The following ADH5 variants were observed in gnomAD, a reference collection of about 807,000 sequenced individuals.
ADH5 encodes the protein alcohol dehydrogenase 5 (class III), chi polypeptide.
A neutral mutation model predicts 40.3 loss-of-function variants in ADH5; 32 were observed. The ratio of observed to expected loss-of-function variants is 0.79; its 90% CI spans 0.60 to 1.07. The LOEUF is 1.07. Ranked by LOEUF, ADH5 falls within the 50% of genes least tolerant of loss-of-function variation. The probability of loss-of-function intolerance (pLI) is 0.00; values close to 1 mark genes in which losing one functional copy is unlikely to be tolerated. For synonymous variants in ADH5, 125 were observed against 154.3 expected, an observed-to-expected ratio of 0.81 and a Z score of 1.41; for missense variants, 353 against 460.5, an observed-to-expected ratio of 0.77 and a Z score of 2.14.
chr4:99,088,662 C>T (rs1297722978), intron 1 of ADH5, 27 bp downstream of exon 1: 30 of 1,605,752 alleles, frequency 1.9e-5, no homozygotes, highest in Non-Finnish European at 2.3e-5. Context: ...CCCTTGGACT[C>T]AGGGCCCTCC....
intron 6 of ADH5, chr4:99,076,003 T>G (rs1727918403): frequency 3.2e-6 from 1 of 307,892 alleles, no homozygotes; most frequent in African/African-American, 2.2e-5. Context: ...GGATGTGTAT[T>G]TGATTCCAAA....
At position 99,071,070 on chromosome 4, in the gene ADH5, A is replaced by C. The variant is rs984509006; in HGVS notation, c.*1347T>G. The C allele has an allele frequency of 4.6e-5, 7 of 152,234 alleles. No individual in the cohort carries two copies. Among genetic ancestry groups the C allele is most frequent in the African/African-American group, 1.4e-4 (6 of 41,462 alleles). The allele number at this position is 152,234 out of a possible 1,614,324, so 9.4% of individuals were successfully genotyped here. A position where few individuals can be genotyped will look rare whatever the true frequency, so the allele number is the denominator to read the frequency against. Reference sequence around the variant, plus strand: ...GACTAGAAGATATTTGCAACATATAAAACTGACAAATGATTGATGTCTAGA... The same window carrying C: ...GACTAGAAGATATTTGCAACATATACAACTGACAAATGATTGATGTCTAGA... On this transcript the variant is annotated 3_prime_UTR_variant, in exon 9 of 9. Coordinates refer to ENST00000296412, the MANE Select transcript of ADH5 (RefSeq NM_000671.4).
chr4:99,076,537 C>A lies in ADH5; in HGVS notation c.580G>T (p.Val194Phe), dbSNP rs775753353. ...CCTCCCAGACCAAAGACGGCACAAA[C>A]AGAGCCAGGCTCCAACTAGGAGTAA... ...VNTAKLEPGS[V>F]CAVFGLGGVG... The change falls in exon 6 of 9, where the codon GTT (valine) becomes TTT (phenylalanine). Residue 194 changes from valine to phenylalanine, a missense_variant. By Grantham distance (50) the Val-to-Phe change is conservative. Coordinates refer to ENST00000296412, the MANE Select transcript of ADH5 (RefSeq NM_000671.4). 1 of 1,613,668 alleles carries A rather than the reference C, an allele frequency of 6.2e-7. No homozygotes were observed. The highest frequency in any genetic ancestry group is 1.1e-5 in the South Asian group (1 of 91,054).
intron 7 of ADH5, among the ~76,000 whole-genome samples, chr4:99,074,005 T>A (rs1727878100): frequency 6.6e-6 from 1 of 152,224 alleles, no homozygotes; most frequent in Non-Finnish European, 1.5e-5. Flanking sequence ...GATTGACATC[T>A]TCTAAGGCAA....
Position 99,070,991 on chromosome 4 carries a change from A to G in ADH5, c.*1426T>C, listed in dbSNP as rs1365111563. On this transcript the variant is annotated 3_prime_UTR_variant, in exon 9 of 9. Transcript: ENST00000296412. ...CCACCAGGAAGATTTATGTGACTAC[A>G]TTAAAACTTTATTCAACAAAATACC... 6.6e-6 allele frequency: 1 copy of G among 152,250 alleles called. No homozygotes were observed. Among genetic ancestry groups the G allele is most frequent in the East Asian group, 1.9e-4 (1 of 5,204 alleles). The allele number at this position is 152,250 out of a possible 1,614,324, so 9.4% of individuals were successfully genotyped here.
At chr4:99,075,212 A>AT in intron 6 of ADH5, 163 bp from the exon 7 acceptor site, 1 of 508,314 alleles carries the variant, frequency 2.0e-6, no homozygotes, top group Non-Finnish European at 3.0e-6. Context: ...TTTATATTTT[A>AT]ATTTTTTTTG....
At chr4:99,077,266 T>G (rs1380386254) in intron 4 of ADH5, among the ~76,000 whole-genome samples, 1 of 152,140 alleles carries the variant, frequency 6.6e-6, no homozygotes, top group Non-Finnish European at 1.5e-5. Context: ...CTCACTCCTA[T>G]AATCCCAGTA....
chr4:99,076,577 G>A, intron 5 of ADH5, 25 bp from the exon 6 acceptor site: 1 of 1,606,752 alleles, frequency 6.2e-7, no homozygotes, highest in Non-Finnish European at 8.5e-7. Context: ...AGTTTATAAA[G>A]TACTCATTCT....
intron 6 of ADH5, 132 bp downstream of exon 6, chr4:99,076,160 T>C (rs1727924295): frequency 6.0e-6 from 5 of 829,080 alleles, no homozygotes; most frequent in African/African-American, 1.7e-5. Context: ...AATAGATATT[T>C]TCCCCTTCTT....
At chr4:99,086,985 A>C (rs1728152097) in intron 1 of ADH5, among the ~76,000 whole-genome samples, 2 of 151,390 alleles carry the variant, frequency 1.3e-5, no homozygotes, top group South Asian at 4.2e-4. Context: ...TCCCTAACAC[A>C]ATCCTTGGCA....
chr4:99,080,112 C>T, intron 4 of ADH5: 1 of 354,856 alleles, frequency 2.8e-6, no homozygotes, highest in South Asian at 2.2e-5. Context: ...ACACTCACAA[C>T]AGAAACACTG....
At chr4:99,075,728 G>C (rs1727912153) in intron 6 of ADH5, 1 of 153,026 alleles carries the variant, frequency 6.5e-6, no homozygotes, top group African/African-American at 2.4e-5. Flanking sequence ...TCTTTTATCT[G>C]AGATGCTTGG....
chr4:99,088,540 T>A, intron 1 of ADH5, 149 bp downstream of exon 1: 1 of 695,772 alleles, frequency 1.4e-6, no homozygotes, highest in South Asian at 3.0e-5. Flanking sequence ...TCTGCCCCTC[T>A]GAGCCGCTCG....
chr4:99,083,177 T>C (rs930045914), intron 2 of ADH5, among the ~76,000 whole-genome samples: 2 of 152,174 alleles, frequency 1.3e-5, no homozygotes, highest in Non-Finnish European at 1.5e-5. Flanking sequence ...TTGAGCTGTA[T>C]GGGCACTTAA....
At chr4:99,087,386 C>A (rs1348791326) in intron 1 of ADH5, among the ~76,000 whole-genome samples, 1 of 12,766 alleles carries the variant, frequency 7.8e-5, no homozygotes, top group Non-Finnish European at 1.5e-4. Context: ...TCCGTCTGAA[C>A]TGGCGGGGGA....
At position 99,076,914 on chromosome 4, in the gene ADH5, T is replaced by C; in HGVS notation, c.354A>G (p.Gln118=). The C allele has an allele frequency of 6.2e-7, 1 of 1,611,998 alleles. No homozygotes were observed. The part of the protein sequence containing the change: ...TNLCQKIRVT[Q]GKGLMPDGTS... ...TACCATCTGGCATTAATCCTTTCCC[T>C]TGAGTGACTCTAAAGAAAAAAAAAG... is the stretch of plus-strand genomic sequence containing the variant. Residue 118 remains glutamine (Q), a synonymous_variant, in exon 5 of 9, where the codon CAA becomes CAG. Transcript: ENST00000296412.
At chr4:99,073,111 G>A (rs572881558) in intron 7 of ADH5, among the ~76,000 whole-genome samples, 4 of 152,322 alleles carry the variant, frequency 2.6e-5, no homozygotes, top group African/African-American at 9.6e-5. Flanking sequence ...AATGAAATAG[G>A]GATAGCATAT....
intron 1 of ADH5, 102 bp downstream of exon 1, chr4:99,088,587 G>C (rs1154401): frequency 0.68 from 879,641 of 1,286,434 alleles, 304,526 homozygotes; most frequent in East Asian, 1. Flanking sequence ...GCCAGATCCC[G>C]TCTTGGGCGC....
intron 1 of ADH5, among the ~76,000 whole-genome samples, chr4:99,087,258 G>A (rs1728161669): frequency 6.6e-6 from 1 of 151,514 alleles, no homozygotes; most frequent in South Asian, 2.1e-4. Context: ...GACGGGCGCC[G>A]GTAATCCCAG....
Sources: allele counts gnomAD v4.1 joint callset (sites outside exome capture counted in the v4.1 genomes callset), GRCh38; gene constraint gnomAD v4.1.1; transcripts MANE v1.5; gene names NCBI Gene and HGNC (gene_info 2026-07-23, HGNC 2026-07-21).